The following FRS2 variants were observed in gnomAD, a reference collection of about 807,000 sequenced individuals.
FRS2 encodes FGFR signalling adaptor.
In FRS2, 8 loss-of-function variants were observed where a neutral mutation model predicts 43.9. The ratio of observed to expected loss-of-function variants is 0.18; its 90% CI spans 0.11 to 0.33. FRS2 has a LOEUF of 0.33. Among genes scored for constraint, FRS2 ranks in the 10% least tolerant of loss-of-function variants. The pLI, the probability that FRS2 is intolerant of heterozygous loss-of-function variation, is 1.00. For synonymous variants in FRS2, 219 were observed against 220.3 expected (o/e 0.99, Z 0.05); for missense variants, 534 against 627.6 (o/e 0.85, Z 1.59).
intron 1 of FRS2, among the ~76,000 whole-genome samples, chr12:69,510,729 A>G (rs965670765): frequency 5.3e-5 from 8 of 152,198 alleles, no homozygotes; most frequent in African/African-American, 1.9e-4. Flanking sequence ...AGAGACAATA[A>G]TAGCTAGCAT....
chr12:69,475,688 A>T (rs1221644011), intron 1 of FRS2, among the ~76,000 whole-genome samples: 1 of 152,144 alleles, frequency 6.6e-6, no homozygotes, highest in Non-Finnish European at 1.5e-5. Context: ...CTCTAAGCTT[A>T]CATTTCCTCA....
At chr12:69,486,502 T>G (rs557680401) in intron 1 of FRS2, among the ~76,000 whole-genome samples, 1 of 152,312 alleles carries the variant, frequency 6.6e-6, no homozygotes, top group Non-Finnish European at 1.5e-5. Context: ...CCCTATTTCC[T>G]GAGACCCTAA....
chr12:69,568,976 TA>T, intron 4 of FRS2, 28 bp from the exon 5 acceptor site: 2 of 1,134,318 alleles, frequency 1.8e-6, no homozygotes, highest in Non-Finnish European at 1.3e-6. Flanking sequence ...CTTCATCTAA[TA>T]AATTTTTCCA....
intron 3 of FRS2, among the ~76,000 whole-genome samples, chr12:69,557,619 T>TGTGTGTGTGTGC (rs1555192498): frequency 3.4e-3 from 404 of 119,004 alleles, no homozygotes; most frequent in East Asian, 8.0e-3. Context: ...TGTGTGTGTG[T>TGTGTGTGTGTGC]GCGCGCGCGC....
chr12:69,488,833 G>C (rs73341711), intron 1 of FRS2, among the ~76,000 whole-genome samples: 1 of 152,134 alleles, frequency 6.6e-6, no homozygotes, highest in East Asian at 1.9e-4. Flanking sequence ...ACTGGTTTGG[G>C]AATGGACTGC....
At chr12:69,503,577 C>T (rs946079276) in intron 1 of FRS2, among the ~76,000 whole-genome samples, 5 of 152,232 alleles carry the variant, frequency 3.3e-5, no homozygotes, top group East Asian at 1.9e-4. Flanking sequence ...GGAGCATTAG[C>T]AACCCTCCTT....
At chr12:69,543,651 A>G (rs1379326506) in intron 3 of FRS2, among the ~76,000 whole-genome samples, 1 of 152,206 alleles carries the variant, frequency 6.6e-6, no homozygotes, top group East Asian at 1.9e-4. Flanking sequence ...GCTCAGGAAA[A>G]TTCTTCAATA....
intron 3 of FRS2, among the ~76,000 whole-genome samples, chr12:69,556,202 A>G (rs886886082): frequency 6.6e-6 from 1 of 152,074 alleles, no homozygotes; most frequent in Non-Finnish European, 1.5e-5. Flanking sequence ...CACCTGGCCC[A>G]TATTTAGACT....
intron 2 of FRS2, among the ~76,000 whole-genome samples, chr12:69,531,432 GA>G (rs1490035139): frequency 1.3e-5 from 2 of 152,040 alleles, no homozygotes; most frequent in Non-Finnish European, 1.5e-5. Flanking sequence ...GTATTTCTGT[GA>G]TGTATCTTAC....
intron 1 of FRS2, among the ~76,000 whole-genome samples, chr12:69,494,607 A>G (rs905204378): frequency 1.3e-5 from 2 of 152,198 alleles, no homozygotes; most frequent in East Asian, 1.9e-4. Flanking sequence ...AGAATGTTTA[A>G]TAACATCCCT....
chr12:69,556,646 CA>C (rs1373504219), intron 3 of FRS2, among the ~76,000 whole-genome samples: 1 of 152,164 alleles, frequency 6.6e-6, no homozygotes, highest in Non-Finnish European at 1.5e-5. Context: ...TGTTATCCAA[CA>C]TTAATGTTTA....
intron 1 of FRS2, among the ~76,000 whole-genome samples, chr12:69,524,553 G>A (rs779100094): frequency 6.6e-6 from 1 of 152,048 alleles, no homozygotes; most frequent in Non-Finnish European, 1.5e-5. Context: ...GCCAGGGTGG[G>A]ACCCTGGGAG....
intron 3 of FRS2, among the ~76,000 whole-genome samples, chr12:69,556,611 C>T (rs756563970): frequency 2.6e-5 from 4 of 152,124 alleles, no homozygotes; most frequent in East Asian, 1.9e-4. Flanking sequence ...CGTGAGCCAT[C>T]GTGACCAGCT....
chr12:69,530,603 C>T (rs149798552), intron 1 of FRS2, among the ~76,000 whole-genome samples: 14 of 151,996 alleles, frequency 9.2e-5, no homozygotes, highest in East Asian at 1.9e-4. Flanking sequence ...ATTGGCTGGC[C>T]GTGGTGGCAT....
chr12:69,512,374 A>G (rs529690473), intron 1 of FRS2, among the ~76,000 whole-genome samples: 1 of 152,332 alleles, frequency 6.6e-6, no homozygotes, highest in East Asian at 1.9e-4. Flanking sequence ...ACACAAATAT[A>G]GCTAGTTTGT....
At chr12:69,534,994 T>G (rs892855724) in intron 3 of FRS2, among the ~76,000 whole-genome samples, 8 of 152,214 alleles carry the variant, frequency 5.3e-5, no homozygotes, top group Admixed American at 5.2e-4. Flanking sequence ...GTATTAATAG[T>G]CCCAAGTAAA....
intron 1 of FRS2, among the ~76,000 whole-genome samples, chr12:69,507,473 CTG>C (rs1417488487): frequency 7.9e-5 from 12 of 152,268 alleles, no homozygotes; most frequent in African/African-American, 2.2e-4. Flanking sequence ...TCCAGCAACT[CTG>C]TGTTGTAGAT....
chr12:69,511,127 G>T (rs960537040), intron 1 of FRS2, among the ~76,000 whole-genome samples: 3 of 152,136 alleles, frequency 2.0e-5, no homozygotes, highest in Admixed American at 6.6e-5. Flanking sequence ...TCCCTGAGGA[G>T]GGTTTTATGC....
At chr12:69,493,155 A>G (rs533263688) in intron 1 of FRS2, among the ~76,000 whole-genome samples, 14 of 152,172 alleles carry the variant, frequency 9.2e-5, no homozygotes, top group Non-Finnish European at 1.3e-4. Context: ...AGGAACTGCT[A>G]TTTTTCTAAA....
Sources: allele counts gnomAD v4.1 joint callset (sites outside exome capture counted in the v4.1 genomes callset), GRCh38; gene constraint gnomAD v4.1.1; transcripts MANE v1.5; gene names NCBI Gene and HGNC (gene_info 2026-07-23, HGNC 2026-07-21).